PARVA: variants seen among roughly 807,000 people sequenced by gnomAD.
PARVA encodes parvin alpha, also known as alpha-parvin.
In PARVA, 25 loss-of-function variants were observed where a neutral mutation model predicts 52.6. That is an observed-to-expected ratio of 0.48 (90% confidence interval 0.35 to 0.66). PARVA has a LOEUF of 0.66. PARVA is among the 30% of genes least tolerant of loss of function. The probability of loss-of-function intolerance (pLI) is 0.01; values close to 1 mark genes in which losing one functional copy is unlikely to be tolerated. For missense variants in PARVA, 373 were observed against 450.9 expected (o/e 0.83, Z 1.56); for synonymous variants, 185 against 179.1 (o/e 1.03, Z -0.26).
rs1422868431 is a variant in PARVA at position 12,515,692 on chromosome 11, AAT to A, written c.867+1628_867+1629del. Among the ~76,000 whole-genome samples the A allele has an allele frequency of 1.2e-4, 19 of 152,236 alleles. No individual in the cohort carries two copies. In the East Asian group the frequency reaches 2.7e-3, roughly 22 times the overall value. On this transcript the variant is annotated intron_variant, in intron 10 of 12. Transcript: ENST00000334956. ...CCTAACTCCTTCTCACCACAGCTTGAATGAAGCCCAGTTGCTCAGCTCCCACC... is the reference window on the plus strand; with the variant it reads ...CCTAACTCCTTCTCACCACAGCTTGAGAAGCCCAGTTGCTCAGCTCCCACC...
At position 12,422,301 on chromosome 11, in the gene PARVA, G is replaced by A. The variant is rs184766730; in HGVS notation, c.136+44518G>A. 6.6e-5 allele frequency among the ~76,000 whole-genome samples: 10 copies of A among 152,098 alleles called. No individual in the cohort carries two copies. The East Asian group carries it at 1.9e-3, about 29-fold the overall frequency. ...GCTGTTAGAAACATTGCTTACATTG[G>A]TTACATTTCTTTCTGTGGGTCTCTT... On this transcript the variant is annotated intron_variant, in intron 1 of 12. Transcript: ENST00000334956.
Position 12,529,591 on chromosome 11 carries a change from A to G in PARVA, c.*1666A>G, listed in dbSNP as rs1008302407. The G allele has an allele frequency of 7.2e-5, 11 of 152,200 alleles. No homozygotes were observed. Among genetic ancestry groups the G allele is most frequent in the African/African-American group, 2.7e-4 (11 of 41,436 alleles). 9.4% of individuals were successfully genotyped at this position (152,200 alleles called of 1,614,324 possible). A position where few individuals can be genotyped will look rare whatever the true frequency, so the allele number is the denominator to read the frequency against. ...ACTTTAGGCCCATTCCACAAAGCCC[A>G]TCTCTGGTTTGAGAATTCATTTTGA... On this transcript the variant is annotated 3_prime_UTR_variant, in exon 13 of 13. Coordinates refer to ENST00000334956, the MANE Select transcript of PARVA (RefSeq NM_018222.5).
chr11:12,442,167 C>T (rs1329907506), intron 1 of PARVA, among the ~76,000 whole-genome samples: 1 of 152,230 alleles, frequency 6.6e-6, no homozygotes, highest in Non-Finnish European at 1.5e-5. Context: ...AGTAGCGAGG[C>T]AGCAACTATG....
chr11:12,411,189 CAG>C (rs796439067), intron 1 of PARVA, among the ~76,000 whole-genome samples: 75 of 152,280 alleles, frequency 4.9e-4, no homozygotes, highest in African/African-American at 1.7e-3. Context: ...TTTTTAAAAA[CAG>C]ATTTCACTTT....
At chr11:12,382,977 C>T (rs1939515043) in intron 1 of PARVA, among the ~76,000 whole-genome samples, 1 of 152,208 alleles carries the variant, frequency 6.6e-6, no homozygotes, top group African/African-American at 2.4e-5. Flanking sequence ...ATGGACTGCA[C>T]TGGCTTTTTC....
chr11:12,501,285 TACAC>T (rs1941360582), intron 5 of PARVA, among the ~76,000 whole-genome samples: 1 of 152,156 alleles, frequency 6.6e-6, no homozygotes, highest in African/African-American at 2.4e-5. Context: ...CTATGTATAT[TACAC>T]ACATATACAC....
rs1941765275 is a variant in PARVA at position 12,530,971 on chromosome 11, C to T, written c.*3046C>T. On this transcript the variant is annotated 3_prime_UTR_variant, in exon 13 of 13. Transcript: ENST00000334956. ...TGGGGCACATTATCAGAGGCATCCT[C>T]ATGTGCCTCGAACCGAATGTTTTTA... 6.6e-6 allele frequency among the ~76,000 whole-genome samples: 1 copy of T among 152,192 alleles called. No individual in the cohort carries two copies. Among genetic ancestry groups the T allele is most frequent in the South Asian group, 2.1e-4 (1 of 4,826 alleles).
chr11:12,400,328 C>A (rs1382586831), intron 1 of PARVA, among the ~76,000 whole-genome samples: 1 of 152,130 alleles, frequency 6.6e-6, no homozygotes, highest in African/African-American at 2.4e-5. Context: ...CGTGCATAAA[C>A]CCATTTATAT....
intron 1 of PARVA, among the ~76,000 whole-genome samples, chr11:12,381,561 A>G (rs749251083): frequency 2.0e-5 from 3 of 152,196 alleles, no homozygotes; most frequent in Non-Finnish European, 4.4e-5. Context: ...GACCCCCTGT[A>G]CAGTCAAAAA....
At chr11:12,435,261 A>G (rs1449255699) in intron 1 of PARVA, among the ~76,000 whole-genome samples, 1 of 151,876 alleles carries the variant, frequency 6.6e-6, no homozygotes, top group Non-Finnish European at 1.5e-5. Flanking sequence ...CATTTTCCCC[A>G]CTGACTCTCC....
At chr11:12,447,161 G>GATT (rs1301831532) in intron 1 of PARVA, among the ~76,000 whole-genome samples, 1 of 152,158 alleles carries the variant, frequency 6.6e-6, no homozygotes, top group Admixed American at 6.5e-5. Flanking sequence ...CCCATGTAAA[G>GATT]GTCAATCTCA....
chr11:12,452,180 C>T (rs1940631298), intron 1 of PARVA, among the ~76,000 whole-genome samples: 1 of 152,006 alleles, frequency 6.6e-6, no homozygotes, highest in African/African-American at 2.4e-5. Context: ...TATACGGTTC[C>T]AGGGCCTGCC....
chr11:12,503,819 G>C (rs1256255673), intron 5 of PARVA, among the ~76,000 whole-genome samples: 1 of 152,170 alleles, frequency 6.6e-6, no homozygotes, highest in African/African-American at 2.4e-5. Context: ...GGTATAAAGG[G>C]ACATTGGGTG....
rs187889130 is a variant in PARVA at position 12,452,824 on chromosome 11, T to A, written c.137-20921T>A. 20 of 274,184 alleles carry A rather than the reference T, an allele frequency of 7.3e-5. No individual in the cohort carries two copies. The East Asian group carries it at 1.7e-3, about 23-fold the overall frequency. 17.0% of individuals were successfully genotyped at this position (274,184 alleles called of 1,614,324 possible). A position where few individuals can be genotyped will look rare whatever the true frequency, so the allele number is the denominator to read the frequency against. On this transcript the variant is annotated intron_variant, in intron 1 of 12. Transcript: ENST00000334956. ...TAAATTATATAGGCAGCCACTTGTT[T>A]GCAACTGACGCACTGAGCTGAGAGT...
chr11:12,523,650 C>T (rs1348641662), intron 12 of PARVA, among the ~76,000 whole-genome samples: 1 of 152,098 alleles, frequency 6.6e-6, no homozygotes, highest in Admixed American at 6.5e-5. Flanking sequence ...AGCCCTTTCC[C>T]CTTGGCCAGA....
At chr11:12,403,063 C>T (rs1939852204) in intron 1 of PARVA, among the ~76,000 whole-genome samples, 1 of 152,238 alleles carries the variant, frequency 6.6e-6, no homozygotes. Flanking sequence ...CTGGCACATG[C>T]CTCGCTGCCT....
rs555725533 is a variant in PARVA at position 12,414,761 on chromosome 11, T to C, written c.136+36978T>C. On this transcript the variant is annotated intron_variant, in intron 1 of 12. Transcript: ENST00000334956. Reference sequence around the variant, plus strand: ...GAATTGTGAAAAGTAATTCAAAACATGGAATTAGATTCTTACAGCGTTAGT... The same window carrying C: ...GAATTGTGAAAAGTAATTCAAAACACGGAATTAGATTCTTACAGCGTTAGT... 1.1e-4 allele frequency among the ~76,000 whole-genome samples: 16 copies of C among 152,288 alleles called. No individual in the cohort carries two copies. The South Asian group carries it at 3.1e-3, about 30-fold the overall frequency.
chr11:12,521,513 TAAAATAATGTGGTAGACACCCCCTGCC>T (rs1257226012), intron 12 of PARVA, among the ~76,000 whole-genome samples: 7 of 152,210 alleles, frequency 4.6e-5, no homozygotes, highest in Admixed American at 2.0e-4. Context: ...TAATACGCTA[TAAAATAATGTGGTAGACACCCCCTGCC>T]AAAATAATGT....
At position 12,532,409 on chromosome 11, in the gene PARVA, G is replaced by C. The variant is rs144404438; in HGVS notation, c.*4484G>C. Among the ~76,000 whole-genome samples the C allele has an allele frequency of 7.1e-4, 108 of 152,224 alleles. 1 individual carries two copies. Among genetic ancestry groups the C allele is most frequent in the African/African-American group, 2.5e-3 (104 of 41,532 alleles). On this transcript the variant is annotated 3_prime_UTR_variant, in exon 13 of 13. Transcript: ENST00000334956. ...TCTAAGGGAAGACGGGGTACGATGG[G>C]TCCCAATCTTGTTTGATCACAGGAT... is the stretch of plus-strand genomic sequence containing the variant.
Sources: gnomAD v4.1 joint callset for allele counts (sites outside exome capture counted in the v4.1 genomes callset) on GRCh38, gnomAD v4.1.1 for gene constraint, MANE v1.5 for transcripts, NCBI Gene and HGNC (gene_info 2026-07-23, HGNC 2026-07-21) for gene names.